The following SNX2 variants were observed in gnomAD, a reference collection of about 807,000 sequenced individuals.
SNX2 encodes the protein sorting nexin-2.
SNX2 carries 25 observed loss-of-function variants against 69.9 expected under a neutral mutation model. The observed-to-expected ratio is 0.36, with a 90% CI of 0.26 to 0.50. SNX2 has a LOEUF of 0.50. Ranked by LOEUF, SNX2 falls within the 20% of genes least tolerant of loss-of-function variation. SNX2 has a pLI of 0.97. For missense variants in SNX2, 551 were observed against 613.3 expected (o/e 0.90, Z 1.07); for synonymous variants, 229 against 200.4 (o/e 1.14, Z -1.20).
In SNX2 at chr5:122,829,773, TATACACACACACAC is replaced by T. The variant is rs776553468; in HGVS notation, c.*127_*140del. On this transcript the variant is annotated 3_prime_UTR_variant, in exon 15 of 15. Transcript: ENST00000379516. ...ATTTTATGAATTACATGTGGTTTTA[TATACACACACACAC>T]ACACACACACACACACACACACACT... 9.7e-5 allele frequency: 59 copies of T among 608,832 alleles called. No homozygotes were observed. The East Asian group carries it at 1.1e-3, about 12-fold the overall frequency. 37.7% of individuals were successfully genotyped at this position (608,832 alleles called of 1,614,324 possible).
At chr5:122,812,774 T>A (rs1234416547) in intron 7 of SNX2, among the ~76,000 whole-genome samples, 1 of 152,240 alleles carries the variant, frequency 6.6e-6, no homozygotes, top group Non-Finnish European at 1.5e-5. Flanking sequence ...TAATAGGTAG[T>A]AAGAGCTCAG....
chr5:122,789,374 T>G (rs1450765207), intron 1 of SNX2, among the ~76,000 whole-genome samples: 1 of 151,948 alleles, frequency 6.6e-6, no homozygotes, highest in African/African-American at 2.4e-5. Flanking sequence ...CTCCAGTTTT[T>G]TCTCTGGGAT....
At chr5:122,793,826 T>C (rs1039105605) in intron 1 of SNX2, among the ~76,000 whole-genome samples, 3 of 150,122 alleles carry the variant, frequency 2.0e-5, no homozygotes, top group African/African-American at 7.4e-5. Flanking sequence ...GGCAGAAGAA[T>C]CGCTTGAACC....
intron 1 of SNX2, among the ~76,000 whole-genome samples, chr5:122,785,974 A>G (rs972264846): frequency 1.3e-5 from 2 of 152,194 alleles, no homozygotes; most frequent in African/African-American, 2.4e-5. Flanking sequence ...GAAGTCTCCA[A>G]GATAATTGTA....
At chr5:122,819,973 A>G (rs1332503061) in intron 11 of SNX2, among the ~76,000 whole-genome samples, 1 of 152,170 alleles carries the variant, frequency 6.6e-6, no homozygotes, top group Non-Finnish European at 1.5e-5. Context: ...TACCAATTTT[A>G]CTTGTATTTT....
chr5:122,827,646 G>A lies in SNX2; in HGVS notation c.1509G>A (p.Gln503=). 1 of 1,605,572 alleles carries A rather than the reference G, an allele frequency of 6.2e-7. No homozygotes were observed. Among genetic ancestry groups the A allele is most frequent in the Non-Finnish European group, 8.5e-7 (1 of 1,174,394 alleles). ...YLESLVQTQQ[Q]LIKYWEAFLP... The stretch of plus-strand genomic sequence containing the variant: ...AATCACTAGTTCAAACACAACAACA[G>A]GTAAGCCATTTTTGTTTATAACTTA... Residue 503 remains glutamine (Q), a splice_region_variant and synonymous_variant, in exon 14 of 15, where the codon CAG becomes CAA. Transcript: ENST00000379516.
intron 10 of SNX2, 54 bp from the exon 11 acceptor site, chr5:122,818,764 T>C (rs756412938): frequency 6.2e-6 from 9 of 1,450,506 alleles, no homozygotes; most frequent in Non-Finnish European, 8.5e-6. Flanking sequence ...CAATACAATA[T>C]TTTAAAATTT....
At chr5:122,799,080 A>C (rs988249052) in intron 2 of SNX2, among the ~76,000 whole-genome samples, 2 of 152,028 alleles carry the variant, frequency 1.3e-5, no homozygotes, top group Non-Finnish European at 2.9e-5. Flanking sequence ...CAGTTTATTG[A>C]TTTGGTTTGA....
At chr5:122,820,080 A>G (rs1345080835) in intron 11 of SNX2, among the ~76,000 whole-genome samples, 1 of 152,178 alleles carries the variant, frequency 6.6e-6, no homozygotes, top group Non-Finnish European at 1.5e-5. Flanking sequence ...ATACTTCATT[A>G]TATATAGGCA....
intron 1 of SNX2, among the ~76,000 whole-genome samples, chr5:122,786,768 A>G (rs969487585): frequency 6.6e-6 from 1 of 151,496 alleles, no homozygotes. Context: ...TCGGCCTGCT[A>G]TTTTTTATTT....
Position 122,826,051 on chromosome 5 carries a change from G to C in SNX2, c.1214G>C (p.Gly405Ala). 4 of 1,612,486 alleles carry C rather than the reference G, an allele frequency of 2.5e-6. No homozygotes were observed. The highest frequency in any genetic ancestry group is 3.4e-6 in the Non-Finnish European group (4 of 1,178,946). Reference sequence around the variant, plus strand: ...TAGCATTATGTCATTCACTTATAGGGTGTGTTTGACCATCGAATGAAGTGC... The same window carrying C: ...TAGCATTATGTCATTCACTTATAGGCTGTGTTTGACCATCGAATGAAGTGC... ...DYIRLIAAVK[G>A]VFDHRMKCWQ... is the part of the protein sequence containing the mutation. Residue 405 changes from glycine (G) to alanine (A), a missense_variant and splice_region_variant, in exon 12 of 15, where the codon GGT (glycine) becomes GCT (alanine). Around this residue, in one of 2 missense-constraint regions of SNX2, gnomAD observed 360 missense variants for 450.4 expected, o/e 0.80. Coordinates refer to ENST00000379516, the MANE Select transcript of SNX2 (RefSeq NM_003100.4).
chr5:122,784,147 T>G (rs574319582), intron 1 of SNX2, among the ~76,000 whole-genome samples: 1 of 151,936 alleles, frequency 6.6e-6, no homozygotes, highest in African/African-American at 2.4e-5. Flanking sequence ...GTCCGATGAT[T>G]TTCTGTGTAG....
At chr5:122,778,647 T>TA (rs1752906347) in intron 1 of SNX2, among the ~76,000 whole-genome samples, 1 of 152,302 alleles carries the variant, frequency 6.6e-6, no homozygotes, top group Admixed American at 6.5e-5. Flanking sequence ...TAGCTGGGAC[T>TA]ACAGGCGTGC....
At chr5:122,827,126 A>G (rs991823755) in intron 12 of SNX2, among the ~76,000 whole-genome samples, 35 of 152,094 alleles carry the variant, frequency 2.3e-4, no homozygotes, top group Admixed American at 2.0e-3. Flanking sequence ...AGCTTTGGAC[A>G]TTGTAGTTTA....
At chr5:122,823,720 GT>G (rs56140609) in intron 11 of SNX2, among the ~76,000 whole-genome samples, 484 of 21,546 alleles carry the variant, frequency 0.022, 3 homozygotes, top group South Asian at 0.1. Context: ...GTATGTGGGT[GT>G]GTGTGTGTGT....
intron 1 of SNX2, 126 bp downstream of exon 1, chr5:122,775,337 G>A (rs1158852394): frequency 2.2e-6 from 3 of 1,392,422 alleles, no homozygotes; most frequent in South Asian, 3.2e-5. Context: ...CACCTGTGAC[G>A]CGAGCCCCAC....
Position 122,830,504 on chromosome 5 carries a change from GT to G in SNX2, c.*864del, listed in dbSNP as rs909308112. On this transcript the variant is annotated 3_prime_UTR_variant, in exon 15 of 15. Transcript: ENST00000379516. ...ATATTTAATTTATTCTTGTCTTTTG[GT>G]TTTTTTTCTTTTAAACTAAAAGTAT... Among the ~76,000 whole-genome samples, 9 of 151,610 alleles carry G rather than the reference GT, an allele frequency of 5.9e-5. No homozygotes were observed. Among genetic ancestry groups the G allele is most frequent in the Non-Finnish European group, 1.0e-4 (7 of 67,902 alleles).
intron 1 of SNX2, among the ~76,000 whole-genome samples, chr5:122,779,908 C>G (rs554869600): frequency 6.6e-6 from 1 of 151,960 alleles, no homozygotes; most frequent in African/African-American, 2.4e-5. Context: ...TTACAGGCCC[C>G]AGTTTGTGTT....
intron 14 of SNX2, chr5:122,828,194 A>G (rs1415080990): frequency 6.6e-6 from 1 of 152,228 alleles, no homozygotes; most frequent in Non-Finnish European, 1.5e-5. Flanking sequence ...TGTAAATTAG[A>G]GTAACAGGTC....
Sources: gnomAD v4.1 joint callset for allele counts (sites outside exome capture counted in the v4.1 genomes callset) on GRCh38, gnomAD v4.1.1 for gene constraint, gnomAD v4.1.1 regional missense constraint, MANE v1.5 for transcripts, NCBI Gene and HGNC (gene_info 2026-07-23, HGNC 2026-07-21) for gene names.